The following ZCCHC7 variants were observed in gnomAD, a reference collection of about 807,000 sequenced individuals.
ZCCHC7 encodes the protein zinc finger CCHC domain-containing protein 7.
Under a neutral mutation model 52.0 loss-of-function variants are expected in ZCCHC7, and 35 were observed. The ratio of observed to expected loss-of-function variants is 0.67; its 90% CI spans 0.51 to 0.89. ZCCHC7 has a LOEUF of 0.89. Among genes scored for constraint, ZCCHC7 ranks in the 40% least tolerant of loss-of-function variants. The pLI, the probability that ZCCHC7 is intolerant of heterozygous loss-of-function variation, is 0.00. For missense variants in ZCCHC7, 574 were observed against 649.1 expected, an observed-to-expected ratio of 0.88 and a Z score of 1.26; for synonymous variants, 217 against 221.5, an observed-to-expected ratio of 0.98 and a Z score of 0.18.
chr9:37,345,653 G>A (rs752198299), intron 6 of ZCCHC7, among the ~76,000 whole-genome samples: 8 of 151,618 alleles, frequency 5.3e-5, no homozygotes, highest in Non-Finnish European at 8.8e-5. Flanking sequence ...CCAGGAGGCC[G>A]AGGTTGCAGT....
intron 2 of ZCCHC7, among the ~76,000 whole-genome samples, chr9:37,236,689 C>T (rs562555330): frequency 4.5e-4 from 69 of 152,306 alleles, no homozygotes; most frequent in African/African-American, 1.5e-3. Context: ...CCACTGCACC[C>T]GGCCAGTGCT....
chr9:37,309,767 C>T (rs918233439), intron 5 of ZCCHC7, among the ~76,000 whole-genome samples: 4 of 152,116 alleles, frequency 2.6e-5, no homozygotes, highest in African/African-American at 7.2e-5. Context: ...ACTAAAAGTA[C>T]AAAAGTTAGC....
At chr9:37,151,092 G>C (rs751871921) in intron 2 of ZCCHC7, among the ~76,000 whole-genome samples, 1 of 151,620 alleles carries the variant, frequency 6.6e-6, no homozygotes, top group Non-Finnish European at 1.5e-5. Context: ...AGCCTCCCGA[G>C]TAGCTGGGAC....
At chr9:37,220,651 T>C (rs1230603166) in intron 2 of ZCCHC7, among the ~76,000 whole-genome samples, 1 of 152,144 alleles carries the variant, frequency 6.6e-6, no homozygotes, top group Non-Finnish European at 1.5e-5. Flanking sequence ...GTTGGAATCA[T>C]GAAAAATTTC....
chr9:37,161,821 A>T (rs1315846017), intron 2 of ZCCHC7, among the ~76,000 whole-genome samples: 2 of 152,204 alleles, frequency 1.3e-5, no homozygotes, highest in Admixed American at 6.5e-5. Flanking sequence ...GCAGTTCTGC[A>T]TTTGACTCTT....
chr9:37,283,033 G>T, intron 2 of ZCCHC7, among the ~76,000 whole-genome samples: 1 of 151,970 alleles, frequency 6.6e-6, no homozygotes, highest in East Asian at 1.9e-4. Flanking sequence ...TTCCTCTTGG[G>T]TTGAGACTTA....
chr9:37,292,472 C>T (rs1828586860), intron 2 of ZCCHC7, among the ~76,000 whole-genome samples: 1 of 151,992 alleles, frequency 6.6e-6, no homozygotes, highest in Non-Finnish European at 1.5e-5. Flanking sequence ...AAATAATGTA[C>T]TTCATTCACT....
intron 2 of ZCCHC7, chr9:37,284,043 G>A (rs1035045558): frequency 2.6e-5 from 4 of 151,928 alleles, no homozygotes; most frequent in Admixed American, 6.6e-5. Flanking sequence ...TCAGCAGTTC[G>A]AGAAGGAAAT....
chr9:37,306,496 C>T (rs536817574), intron 5 of ZCCHC7, among the ~76,000 whole-genome samples: 145 of 151,666 alleles, frequency 9.6e-4, no homozygotes, highest in Middle Eastern at 3.4e-3. Flanking sequence ...GATGGAGTCT[C>T]GCTCTGTTGC....
chr9:37,164,877 T>C (rs997611456), intron 2 of ZCCHC7, among the ~76,000 whole-genome samples: 1 of 152,214 alleles, frequency 6.6e-6, no homozygotes, highest in African/African-American at 2.4e-5. Flanking sequence ...CATTTCTGTA[T>C]AGATTTTAAG....
rs1842537763 is a variant in ZCCHC7 at position 37,126,383 on chromosome 9, T to C, written c.51T>C (p.Tyr17=). The part of the protein sequence containing the change: ...ETIEAYEDDL[Y]RDESSSELSV... Reference sequence around the variant, plus strand: ...TAGAAGCATACGAAGATGATCTTTATCGAGATGAGTCATCTAGTGAACTGA... The same window carrying C: ...TAGAAGCATACGAAGATGATCTTTACCGAGATGAGTCATCTAGTGAACTGA... The change falls in exon 2 of 9, where the codon TAT becomes TAC. Residue 17 remains tyrosine, a synonymous_variant. Coordinates refer to ENST00000336755, the MANE Select transcript of ZCCHC7 (RefSeq NM_032226.3). The C allele has an allele frequency of 1.2e-6, 2 of 1,614,128 alleles. No homozygotes were observed. Among genetic ancestry groups the C allele is most frequent in the East Asian group, 4.5e-5 (2 of 44,874 alleles).
chr9:37,267,459 G>A (rs1827162959), intron 2 of ZCCHC7, among the ~76,000 whole-genome samples: 1 of 152,020 alleles, frequency 6.6e-6, no homozygotes. Context: ...GAATGAAGTG[G>A]CATGATCACA....
rs148596983 is a variant in ZCCHC7, at chr9:37,175,053, G to A, written c.610+48111G>A. Among the ~76,000 whole-genome samples, 520 of 151,468 alleles carry A rather than the reference G, an allele frequency of 3.4e-3. 4 individuals are homozygous for A. Among genetic ancestry groups the A allele is most frequent in the African/African-American group, 0.012 (493 of 41,192 alleles). ...CAGAAGGCTGAGGCACGAGAATTGC[G>A]TGAACCCGGGAGGTGGATCGTGCCA... On this transcript the variant is annotated intron_variant, in intron 2 of 8. Transcript: ENST00000336755.
intron 5 of ZCCHC7, among the ~76,000 whole-genome samples, chr9:37,324,623 A>G (rs1188033378): frequency 6.6e-6 from 1 of 152,182 alleles, no homozygotes; most frequent in Non-Finnish European, 1.5e-5. Context: ...TTGTCAGCTC[A>G]TACATTTTGG....
intron 7 of ZCCHC7, among the ~76,000 whole-genome samples, chr9:37,350,905 TAATATC>T (rs1821337252): frequency 2.0e-5 from 3 of 152,320 alleles, no homozygotes; most frequent in South Asian, 4.1e-4. Context: ...CAAGATAAAC[TAATATC>T]AAACCAGATC....
intron 2 of ZCCHC7, among the ~76,000 whole-genome samples, chr9:37,226,581 T>C (rs769410180): frequency 1.5e-4 from 23 of 152,244 alleles, no homozygotes; most frequent in Middle Eastern, 6.8e-3. Context: ...AACATTTCAG[T>C]TGGGAAAGGA....
chr9:37,344,864 C>T (rs1449756243), intron 6 of ZCCHC7, among the ~76,000 whole-genome samples: 4 of 152,106 alleles, frequency 2.6e-5, no homozygotes, highest in Non-Finnish European at 5.9e-5. Context: ...ATTTTTTGAA[C>T]AAATTAATGA....
At chr9:37,153,319 C>T (rs1012794037) in intron 2 of ZCCHC7, among the ~76,000 whole-genome samples, 3 of 151,694 alleles carry the variant, frequency 2.0e-5, no homozygotes, top group African/African-American at 4.8e-5. Context: ...CATAGGTGCC[C>T]GCCACCATGC....
chr9:37,227,809 C>T (rs1422947525), intron 2 of ZCCHC7, among the ~76,000 whole-genome samples: 1 of 151,940 alleles, frequency 6.6e-6, no homozygotes, highest in African/African-American at 2.4e-5. Flanking sequence ...TTTCTCTTTT[C>T]TTTTCTTTTT....
Sources: allele counts gnomAD v4.1 joint callset (sites outside exome capture counted in the v4.1 genomes callset), GRCh38; gene constraint gnomAD v4.1.1; transcripts MANE v1.5; gene names NCBI Gene and HGNC (gene_info 2026-07-23, HGNC 2026-07-21).